CACNA2D3: variants seen among roughly 807,000 people sequenced by gnomAD.
CACNA2D3 encodes voltage-dependent calcium channel subunit alpha-2/delta-3.
A neutral mutation model predicts 160.6 loss-of-function variants in CACNA2D3; 60 were observed. The observed-to-expected ratio is 0.37, with a 90% confidence interval of 0.30 to 0.46. The LOEUF (loss-of-function observed/expected upper bound fraction) is 0.46, where lower values mean the gene tolerates loss of function less well. Among genes scored for constraint, CACNA2D3 ranks in the 20% least tolerant of loss-of-function variants. CACNA2D3 has a pLI of 1.00. For synonymous variants in CACNA2D3, 558 were observed against 492.9 expected (o/e 1.13, Z -1.75); for missense variants, 1,205 against 1,365.0 (o/e 0.88, Z 1.85).
intron 30 of CACNA2D3, among the ~76,000 whole-genome samples, chr3:54,986,106 G>A (rs1451702720): frequency 6.6e-6 from 1 of 152,166 alleles, no homozygotes; most frequent in East Asian, 1.9e-4. Flanking sequence ...AGAGGGAGGA[G>A]CTCTAGTCTT....
chr3:54,370,269 A>G (rs1284985794), intron 3 of CACNA2D3, among the ~76,000 whole-genome samples: 1 of 152,232 alleles, frequency 6.6e-6, no homozygotes, highest in Admixed American at 6.5e-5. Context: ...CAGTTCTTAG[A>G]TGCCAGTAGT....
At chr3:54,654,071 T>A (rs1379026221) in intron 11 of CACNA2D3, among the ~76,000 whole-genome samples, 15 of 152,124 alleles carry the variant, frequency 9.9e-5, no homozygotes, top group Non-Finnish European at 1.5e-5. Context: ...TTAAGTCCCT[T>A]GCCACTGAGC....
chr3:54,629,518 C>G (rs1396246223), intron 10 of CACNA2D3, among the ~76,000 whole-genome samples: 2 of 152,210 alleles, frequency 1.3e-5, no homozygotes, highest in African/African-American at 4.8e-5. Context: ...GCCAAGTCAA[C>G]TTCCTCAGTA....
intron 31 of CACNA2D3, among the ~76,000 whole-genome samples, chr3:54,989,907 A>C (rs1702701385): frequency 2.0e-5 from 3 of 152,188 alleles, no homozygotes; most frequent in African/African-American, 7.2e-5. Flanking sequence ...GCAATCACAC[A>C]TTTGTGCCCT....
chr3:54,177,274 A>C (rs1700695979), intron 2 of CACNA2D3, among the ~76,000 whole-genome samples: 1 of 152,182 alleles, frequency 6.6e-6, no homozygotes, highest in Admixed American at 6.5e-5. Context: ...GTGCCTTGTT[A>C]CAATTTCAGC....
At chr3:54,743,796 G>A (rs1256744060) in intron 11 of CACNA2D3, among the ~76,000 whole-genome samples, 2 of 152,144 alleles carry the variant, frequency 1.3e-5, no homozygotes, top group African/African-American at 2.4e-5. Context: ...GCAGGACGGG[G>A]CTTCTGAGCC....
intron 2 of CACNA2D3, among the ~76,000 whole-genome samples, chr3:54,299,954 C>A (rs923463589): frequency 3.3e-5 from 5 of 152,094 alleles, no homozygotes; most frequent in African/African-American, 1.2e-4. Flanking sequence ...TGGTGTAGAC[C>A]CCCTAACAAT....
At chr3:54,980,251 T>A (rs1477968554) in intron 29 of CACNA2D3, among the ~76,000 whole-genome samples, 1 of 152,224 alleles carries the variant, frequency 6.6e-6, no homozygotes, top group African/African-American at 2.4e-5. Context: ...TATAACCCTT[T>A]ACATTTTTTT....
chr3:54,805,458 T>C (rs1346483961), intron 13 of CACNA2D3, among the ~76,000 whole-genome samples: 2 of 152,014 alleles, frequency 1.3e-5, no homozygotes, highest in African/African-American at 4.8e-5. Context: ...CTAGAAGAAA[T>C]GGATAAATTC....
chr3:54,663,557 C>A (rs909129771), intron 11 of CACNA2D3, among the ~76,000 whole-genome samples: 1 of 152,168 alleles, frequency 6.6e-6, no homozygotes, highest in Non-Finnish European at 1.5e-5. Context: ...AAGACATCTG[C>A]CTCTTAATTT....
At chr3:54,885,732 C>A in intron 23 of CACNA2D3, 146 bp downstream of exon 23, 1 of 646,794 alleles carries the variant, frequency 1.5e-6, no homozygotes, top group Non-Finnish European at 2.8e-6. Flanking sequence ...TATCTGCTTC[C>A]TGTAGGAACA....
At chr3:54,812,638 G>T (rs1459408498) in intron 13 of CACNA2D3, among the ~76,000 whole-genome samples, 1 of 152,110 alleles carries the variant, frequency 6.6e-6, no homozygotes, top group Non-Finnish European at 1.5e-5. Flanking sequence ...TTCTCTTCTG[G>T]GTGATGCCCA....
At chr3:54,503,751 AT>A (rs1478747845) in intron 5 of CACNA2D3, 97 bp downstream of exon 5, 101 of 1,120,012 alleles carry the variant, frequency 9.0e-5, no homozygotes, top group Admixed American at 1.2e-4. Flanking sequence ...GGTTTGTTTC[AT>A]TTTTTTTGAA....
intron 14 of CACNA2D3, among the ~76,000 whole-genome samples, chr3:54,818,059 T>G (rs1468639555): frequency 2.0e-5 from 3 of 152,348 alleles, no homozygotes; most frequent in East Asian, 1.9e-4. Context: ...ACTTCACAAA[T>G]TCTCTGCCTA....
intron 8 of CACNA2D3, among the ~76,000 whole-genome samples, chr3:54,570,555 CTT>C (rs1489138197): frequency 6.6e-6 from 1 of 152,060 alleles, no homozygotes; most frequent in Non-Finnish European, 1.5e-5. Flanking sequence ...ATGGAGAGCA[CTT>C]TATGGCTCAC....
chr3:54,818,313 A>T (rs923699866), intron 14 of CACNA2D3, among the ~76,000 whole-genome samples: 2 of 151,544 alleles, frequency 1.3e-5, no homozygotes, highest in Non-Finnish European at 2.9e-5. Context: ...CCTCCTGAAT[A>T]GCTGGGACAG....
chr3:54,838,514 T>C (rs1698745471), intron 15 of CACNA2D3, 54 bp from the exon 16 acceptor site: 1 of 1,399,656 alleles, frequency 7.1e-7, no homozygotes, highest in South Asian at 1.2e-5. Context: ...GAGATTCTAT[T>C]TCTTTTGCCA....
rs149360337 is a variant in CACNA2D3, at chr3:54,547,902, C to G, written c.545-14898C>G. On this transcript the variant is annotated intron_variant, in intron 5 of 37. Transcript: ENST00000474759. ...AGACATGGAGTCTTGCTATATTACGCAGGCTGGTCTCAAACTCCTGGCCTC... is the reference window on the plus strand; with the variant it reads ...AGACATGGAGTCTTGCTATATTACGGAGGCTGGTCTCAAACTCCTGGCCTC... Among the ~76,000 whole-genome samples the G allele has an allele frequency of 1.5e-3, 233 of 152,208 alleles. 2 individuals are homozygous for G. The East Asian group carries it at 0.018, about 12-fold the overall frequency.
Position 54,421,271 on chromosome 3 carries a change from G to A in CACNA2D3, c.381+34497G>A, listed in dbSNP as rs185002304. On this transcript the variant is annotated intron_variant, in intron 4 of 37. Coordinates refer to ENST00000474759, the MANE Select transcript of CACNA2D3 (RefSeq NM_018398.3). ...TTTCCTTGGGTGAATATCTTTGTTTGTTTATTGTTTTCTTGGATGTGCTTG... is the reference window on the plus strand; with the variant it reads ...TTTCCTTGGGTGAATATCTTTGTTTATTTATTGTTTTCTTGGATGTGCTTG... Among the ~76,000 whole-genome samples, 55 of 152,250 alleles carry A rather than the reference G, an allele frequency of 3.6e-4. 1 individual carries two copies. Among genetic ancestry groups the A allele is most frequent in the African/African-American group, 1.3e-3 (54 of 41,568 alleles).
Sources: gnomAD v4.1 joint callset for allele counts (sites outside exome capture counted in the v4.1 genomes callset) on GRCh38, gnomAD v4.1.1 for gene constraint, MANE v1.5 for transcripts, NCBI Gene and HGNC (gene_info 2026-07-23, HGNC 2026-07-21) for gene names.